CTNNA3: variants seen among roughly 807,000 people sequenced by gnomAD.
The protein encoded by CTNNA3 is catenin alpha-3.
A neutral mutation model predicts 95.7 loss-of-function variants in CTNNA3; 76 were observed. That is an observed-to-expected ratio of 0.79 (90% CI 0.66 to 0.96). CTNNA3 has a LOEUF of 0.96. Ranked by LOEUF, CTNNA3 falls within the 40% of genes least tolerant of loss-of-function variation. The pLI is 0.00. For synonymous variants in CTNNA3, 431 were observed against 374.4 expected, an observed-to-expected ratio of 1.15 and a Z score of -1.74; for missense variants, 1,191 against 1,089.8, an observed-to-expected ratio of 1.09 and a Z score of -1.31.
intron 9 of CTNNA3, among the ~76,000 whole-genome samples, chr10:66,691,327 G>A (rs913604016): frequency 1.3e-5 from 2 of 152,140 alleles, no homozygotes; most frequent in Non-Finnish European, 2.9e-5. Context: ...TGGCTTGCAG[G>A]GTCCTACGCC....
At chr10:67,116,620 G>A (rs186576545) in intron 7 of CTNNA3, among the ~76,000 whole-genome samples, 32 of 151,248 alleles carry the variant, frequency 2.1e-4, no homozygotes, top group African/African-American at 7.3e-4. Context: ...TTTATATAAA[G>A]GCTACAGTCA....
At chr10:66,484,392 A>T (rs1839652836) in intron 11 of CTNNA3, among the ~76,000 whole-genome samples, 1 of 152,052 alleles carries the variant, frequency 6.6e-6, no homozygotes, top group Non-Finnish European at 1.5e-5. Flanking sequence ...GCATTGGTTT[A>T]CAAAATTTCA....
At chr10:66,007,153 T>A (rs2078903873) in intron 15 of CTNNA3, among the ~76,000 whole-genome samples, 1 of 152,212 alleles carries the variant, frequency 6.6e-6, no homozygotes, top group African/African-American at 2.4e-5. Flanking sequence ...CAGCTAGTTT[T>A]CATGTTAATG....
chr10:67,362,145 A>G (rs1467367037), intron 5 of CTNNA3, among the ~76,000 whole-genome samples: 3 of 152,122 alleles, frequency 2.0e-5, no homozygotes, highest in Non-Finnish European at 4.4e-5. Flanking sequence ...ACCAACCAAT[A>G]AAAGCCCTGA....
chr10:66,013,422 T>G lies in CTNNA3; in HGVS notation c.2160-24625A>C, dbSNP rs538061412. Among the ~76,000 whole-genome samples the G allele has an allele frequency of 5.3e-5, 8 of 152,320 alleles. 1 individual carries two copies. The South Asian group carries it at 1.4e-3, about 28-fold the overall frequency. On this transcript the variant is annotated intron_variant, in intron 15 of 17. Coordinates refer to ENST00000433211, the MANE Select transcript of CTNNA3 (RefSeq NM_013266.4). ...ATGTATGGACCTGAACTATGGCAAA[T>G]TTTTAAATAGTGGATCTTAGAGCAT...
At chr10:66,449,602 G>T (rs982143446) in intron 11 of CTNNA3, among the ~76,000 whole-genome samples, 4 of 151,952 alleles carry the variant, frequency 2.6e-5, no homozygotes, top group Non-Finnish European at 4.4e-5. Context: ...TCCAGGAAAG[G>T]CTATGATTTT....
intron 5 of CTNNA3, among the ~76,000 whole-genome samples, chr10:67,274,602 C>T (rs563234850): frequency 3.9e-5 from 6 of 152,104 alleles, no homozygotes; most frequent in South Asian, 2.1e-4. Flanking sequence ...CTGAGGCCAG[C>T]GGATTGCTTG....
At chr10:67,032,589 C>A (rs139505667) in intron 7 of CTNNA3, among the ~76,000 whole-genome samples, 2 of 152,254 alleles carry the variant, frequency 1.3e-5, no homozygotes, top group African/African-American at 2.4e-5. Context: ...TATTAAGCAT[C>A]AGACAGATGT....
intron 3 of CTNNA3, among the ~76,000 whole-genome samples, chr10:67,598,337 G>A (rs1465108687): frequency 2.0e-5 from 3 of 152,104 alleles, no homozygotes; most frequent in Non-Finnish European, 4.4e-5. Context: ...GTGAGAGCAG[G>A]CCACTCTATG....
At chr10:67,101,497 A>C (rs373034886) in intron 7 of CTNNA3, among the ~76,000 whole-genome samples, 4 of 151,772 alleles carry the variant, frequency 2.6e-5, no homozygotes, top group African/African-American at 9.7e-5. Context: ...AAATTGATGT[A>C]TAGAACCTAA....
chr10:66,706,628 A>C (rs2132590326), intron 9 of CTNNA3, among the ~76,000 whole-genome samples: 1 of 152,188 alleles, frequency 6.6e-6, no homozygotes, highest in East Asian at 1.9e-4. Context: ...AGGAAGGAGA[A>C]TGTCAGCTTG....
intron 15 of CTNNA3, among the ~76,000 whole-genome samples, chr10:66,012,669 A>G (rs757199436): frequency 6.6e-6 from 1 of 152,184 alleles, no homozygotes; most frequent in Non-Finnish European, 1.5e-5. Context: ...TGGAAACTTG[A>G]TGGTCAATTA....
In CTNNA3 at chr10:66,404,152, C is replaced by T. The variant is rs533603361; in HGVS notation, c.1532-24800G>A. On this transcript the variant is annotated intron_variant, in intron 11 of 17. Coordinates refer to ENST00000433211, the MANE Select transcript of CTNNA3 (RefSeq NM_013266.4). ...CTCTTGAATTTACTGGTCTTGTGGC[C>T]TCACTCAGAGGCAGACTCAGTACCT... Among the ~76,000 whole-genome samples the T allele has an allele frequency of 7.4e-4, 112 of 152,162 alleles. 1 individual carries two copies. The highest frequency in any genetic ancestry group is 2.5e-3 in the African/African-American group (103 of 41,526).
intron 17 of CTNNA3, among the ~76,000 whole-genome samples, chr10:65,945,832 G>T (rs1284498023): frequency 6.6e-6 from 1 of 152,070 alleles, no homozygotes; most frequent in Admixed American, 6.5e-5. Flanking sequence ...TCATTATTTA[G>T]AGCTCAATAA....
intron 3 of CTNNA3, among the ~76,000 whole-genome samples, chr10:67,560,231 CAGAG>C (rs1841450509): frequency 6.6e-6 from 1 of 151,906 alleles, no homozygotes; most frequent in South Asian, 2.1e-4. Flanking sequence ...TAAGGGCAGC[CAGAG>C]AGAAAGGTCG....
chr10:66,595,026 T>C lies in CTNNA3; in HGVS notation c.1374+26666A>G, dbSNP rs1843665997. ...TCTCGTTTGAGTGATATCAGCGAGA[T>C]TGTGGAACTGGAGATCCCAGCCCTC... On this transcript the variant is annotated intron_variant, in intron 10 of 17. Coordinates refer to ENST00000433211, the MANE Select transcript of CTNNA3 (RefSeq NM_013266.4). 5.9e-5 allele frequency among the ~76,000 whole-genome samples: 9 copies of C among 152,200 alleles called. No individual in the cohort carries two copies. The South Asian group carries it at 1.9e-3, about 32-fold the overall frequency.
intron 7 of CTNNA3, among the ~76,000 whole-genome samples, chr10:66,845,239 G>C (rs913973348): frequency 2.4e-4 from 37 of 152,256 alleles, no homozygotes; most frequent in African/African-American, 8.9e-4. Flanking sequence ...TTTCTCCACA[G>C]AAGACATAAA....
intron 1 of CTNNA3, among the ~76,000 whole-genome samples, chr10:67,701,679 C>T (rs1237756111): frequency 1.3e-5 from 2 of 152,136 alleles, no homozygotes; most frequent in African/African-American, 2.4e-5. Flanking sequence ...TCATGCCAAA[C>T]TGTAAAGACC....
intron 7 of CTNNA3, among the ~76,000 whole-genome samples, chr10:67,034,989 C>T (rs1399555627): frequency 6.6e-6 from 1 of 152,142 alleles, no homozygotes; most frequent in Non-Finnish European, 1.5e-5. Context: ...TGGAAGGCCC[C>T]GTTCAGAAAT....
Sources: allele counts gnomAD v4.1 joint callset (sites outside exome capture counted in the v4.1 genomes callset), GRCh38; gene constraint gnomAD v4.1.1; transcripts MANE v1.5; gene names NCBI Gene and HGNC (gene_info 2026-07-23, HGNC 2026-07-21).